THADA: variants seen among roughly 807,000 people sequenced by gnomAD.
THADA encodes the protein THADA armadillo repeat containing, also known as tRNA (32-2'-O)-methyltransferase regulator THADA.
THADA carries 213 observed loss-of-function variants against 219.8 expected under a neutral mutation model. That is an observed-to-expected ratio of 0.97 (90% CI 0.87 to 1.09). The LOEUF (loss-of-function observed/expected upper bound fraction) is 1.09, where lower values mean the gene tolerates loss of function less well. Ranked by LOEUF, THADA falls within the 50% of genes least tolerant of loss-of-function variation. The pLI, the probability that THADA is intolerant of heterozygous loss-of-function variation, is 0.00. For synonymous variants in THADA, 1,018 were observed against 828.9 expected (o/e 1.23, Z -3.92); for missense variants, 2,956 against 2,311.3 (o/e 1.28, Z -5.72).
intron 36 of THADA, among the ~76,000 whole-genome samples, chr2:43,265,976 C>T (rs941353976): frequency 7.6e-6 from 1 of 131,362 alleles, no homozygotes; most frequent in Admixed American, 7.3e-5. Flanking sequence ...CACACACACA[C>T]ACACACACAC....
chr2:43,423,500 T>G (rs1458354329), intron 28 of THADA, among the ~76,000 whole-genome samples: 1 of 151,420 alleles, frequency 6.6e-6, no homozygotes, highest in Non-Finnish European at 1.5e-5. Flanking sequence ...TGGCACAATC[T>G]CTGCTCACTG....
intron 21 of THADA, 117 bp from the exon 22 acceptor site, chr2:43,528,105 T>C (rs1693395481): frequency 1.7e-5 from 8 of 478,042 alleles, no homozygotes; most frequent in Non-Finnish European, 2.7e-5. Flanking sequence ...GCGCTTACCA[T>C]ATGACAGAAC....
At chr2:43,415,551 AAAAC>A (rs1676838429) in intron 28 of THADA, among the ~76,000 whole-genome samples, 1 of 152,196 alleles carries the variant, frequency 6.6e-6, no homozygotes, top group African/African-American at 2.4e-5. Context: ...AACTCAGGAA[AAAAC>A]AGGGATTTAA....
At chr2:43,258,285 G>C (rs1291513309) in intron 36 of THADA, among the ~76,000 whole-genome samples, 1 of 152,226 alleles carries the variant, frequency 6.6e-6, no homozygotes, top group Non-Finnish European at 1.5e-5. Flanking sequence ...CACTTTGGGA[G>C]GCTGAGGTGG....
At position 43,554,228 on chromosome 2, in the gene THADA, T is replaced by C. The variant is rs537472479; in HGVS notation, c.2675-1889A>G. Among the ~76,000 whole-genome samples, 3 of 152,326 alleles carry C rather than the reference T, an allele frequency of 2.0e-5. No individual in the cohort carries two copies. In the South Asian group the frequency reaches 6.2e-4, roughly 32 times the overall value. Reference sequence around the variant, plus strand: ...GACATCTATGTTTTCTTCCAAGAATTTTATAGTTTTAGCTCTTATATTTAA... The same window carrying C: ...GACATCTATGTTTTCTTCCAAGAATCTTATAGTTTTAGCTCTTATATTTAA... On this transcript the variant is annotated intron_variant, in intron 17 of 37. Transcript: ENST00000405975.
chr2:43,279,195 C>T (rs1051526085), intron 36 of THADA, among the ~76,000 whole-genome samples: 9 of 152,200 alleles, frequency 5.9e-5, no homozygotes, highest in African/African-American at 1.7e-4. Context: ...GCTTATACGA[C>T]GGCTGCGACC....
chr2:43,471,130 C>A (rs1684857642), intron 26 of THADA, among the ~76,000 whole-genome samples: 2 of 152,182 alleles, frequency 1.3e-5, no homozygotes, highest in African/African-American at 4.8e-5. Flanking sequence ...CCAAAAATTA[C>A]AAATTTCAGG....
Position 43,592,415 on chromosome 2 carries a change from C to G in THADA, c.-23G>C. 1 of 1,531,880 alleles carries G rather than the reference C, an allele frequency of 6.5e-7. No individual in the cohort carries two copies. Among genetic ancestry groups the G allele is most frequent in the Non-Finnish European group, 8.9e-7 (1 of 1,119,846 alleles). 94.9% of individuals were successfully genotyped at this position (1,531,880 alleles called of 1,614,324 possible). ...CATTTTAAATAGAATTAATAGTAGT[C>G]ACTGCAAGAAAGAAGACTTTAAGGC... On this transcript the variant is annotated splice_region_variant and 5_prime_UTR_variant, in exon 2 of 38. Coordinates refer to ENST00000405975, the MANE Select transcript of THADA (RefSeq NM_022065.5).
intron 22 of THADA, among the ~76,000 whole-genome samples, chr2:43,514,684 TTATATATAA>T (rs1355371710): frequency 0.018 from 1,525 of 84,138 alleles, 94 homozygotes; most frequent in Non-Finnish European, 0.027. Flanking sequence ...ATATATTATA[TTATATATAA>T]TATATATAAT....
intron 28 of THADA, among the ~76,000 whole-genome samples, chr2:43,411,612 A>G (rs1179555525): frequency 2.6e-5 from 4 of 152,206 alleles, no homozygotes; most frequent in Non-Finnish European, 5.9e-5. Flanking sequence ...AATTCTGACA[A>G]ACAGAAGCCA....
intron 36 of THADA, among the ~76,000 whole-genome samples, chr2:43,268,998 C>T (rs1260438118): frequency 6.6e-6 from 1 of 152,192 alleles, no homozygotes; most frequent in Non-Finnish European, 1.5e-5. Context: ...CTGAAACTGG[C>T]TTAGGTTCAA....
At chr2:43,294,502 A>C (rs1279453435) in intron 31 of THADA, among the ~76,000 whole-genome samples, 1 of 152,218 alleles carries the variant, frequency 6.6e-6, no homozygotes, top group Non-Finnish European at 1.5e-5. Flanking sequence ...GGAGCATAAA[A>C]TTTGAGGTGG....
chr2:43,520,380 C>T (rs1295209150), intron 22 of THADA, among the ~76,000 whole-genome samples: 6 of 152,256 alleles, frequency 3.9e-5, no homozygotes, highest in African/African-American at 1.2e-4. Context: ...CTCAGTAACA[C>T]AAAATGTTAT....
chr2:43,501,819 C>A (rs1239081558), intron 24 of THADA, among the ~76,000 whole-genome samples: 2 of 152,176 alleles, frequency 1.3e-5, no homozygotes, highest in African/African-American at 2.4e-5. Flanking sequence ...TGGCACATGC[C>A]TGTAATCCCA....
At chr2:43,287,652 G>A (rs919826813) in intron 34 of THADA, among the ~76,000 whole-genome samples, 3 of 152,126 alleles carry the variant, frequency 2.0e-5, no homozygotes, top group African/African-American at 7.2e-5. Flanking sequence ...CATACATTTG[G>A]TCTGGTAAAG....
At chr2:43,322,253 C>T (rs1678802084) in intron 30 of THADA, among the ~76,000 whole-genome samples, 1 of 151,948 alleles carries the variant, frequency 6.6e-6, no homozygotes, top group South Asian at 2.1e-4. Context: ...TCTGTAATCC[C>T]AGCACTTTGG....
chr2:43,498,754 A>G, intron 25 of THADA, 79 bp downstream of exon 25: 2 of 1,369,812 alleles, frequency 1.5e-6, no homozygotes, highest in Middle Eastern at 1.9e-4. Context: ...ATTTTTTATC[A>G]CCCAGTGAAA....
At chr2:43,367,780 G>C (rs1022516745) in intron 29 of THADA, among the ~76,000 whole-genome samples, 50 of 152,252 alleles carry the variant, frequency 3.3e-4, no homozygotes, top group African/African-American at 1.2e-3. Flanking sequence ...ATGTTGGAGA[G>C]AAAAAAGCCC....
intron 1 of THADA, among the ~76,000 whole-genome samples, chr2:43,594,953 C>T (rs566271669): frequency 1.3e-5 from 2 of 152,332 alleles, no homozygotes; most frequent in South Asian, 4.1e-4. Flanking sequence ...CCAGAAATTA[C>T]CCTAACTTGT....
Sources: allele counts gnomAD v4.1 joint callset (sites outside exome capture counted in the v4.1 genomes callset), GRCh38; gene constraint gnomAD v4.1.1; transcripts MANE v1.5; gene names NCBI Gene and HGNC (gene_info 2026-07-23, HGNC 2026-07-21).